Variants in PLEKHA5 observed in about 807,000 individuals in gnomAD.
PLEKHA5 encodes pleckstrin homology domain containing A5.
PLEKHA5 carries 55 observed loss-of-function variants against 181.9 expected under a neutral mutation model. The observed-to-expected ratio is 0.30, with a 90% CI of 0.24 to 0.38. PLEKHA5 has a LOEUF of 0.38. PLEKHA5 is among the 10% of genes least tolerant of loss of function. The pLI, the probability that PLEKHA5 is intolerant of heterozygous loss-of-function variation, is 1.00. For missense variants in PLEKHA5, 1,432 were observed against 1,549.5 expected (o/e 0.92, Z 1.27); for synonymous variants, 535 against 529.4 (o/e 1.01, Z -0.15).
intron 22 of PLEKHA5, among the ~76,000 whole-genome samples, chr12:19,344,507 C>A (rs1275972313): frequency 6.6e-6 from 1 of 152,038 alleles, no homozygotes; most frequent in African/African-American, 2.4e-5. Flanking sequence ...TATGTTGTTT[C>A]CAGAGTTTTT....
At chr12:19,349,723 A>G (rs1275587666) in intron 25 of PLEKHA5, among the ~76,000 whole-genome samples, 1 of 151,078 alleles carries the variant, frequency 6.6e-6, no homozygotes, top group African/African-American at 2.4e-5. Context: ...CAGCAACAAC[A>G]ACAACAACCA....
chr12:19,355,427 C>T (rs1249101895), intron 26 of PLEKHA5, among the ~76,000 whole-genome samples: 2 of 147,062 alleles, frequency 1.4e-5, no homozygotes, highest in East Asian at 4.3e-4. Flanking sequence ...TCATAGCTCA[C>T]TGCAGCCTCC....
At chr12:19,328,090 C>T (rs1353538983) in intron 20 of PLEKHA5, among the ~76,000 whole-genome samples, 2 of 152,156 alleles carry the variant, frequency 1.3e-5, no homozygotes, top group African/African-American at 4.8e-5. Flanking sequence ...GAATAAGAAG[C>T]CCTTTCCACA....
chr12:19,205,777 A>G (rs1380304950), intron 3 of PLEKHA5, among the ~76,000 whole-genome samples: 1 of 152,102 alleles, frequency 6.6e-6, no homozygotes, highest in East Asian at 1.9e-4. Context: ...ACAGTATAGC[A>G]TTTTTGTTCT....
chr12:19,354,888 A>T (rs1186539196), intron 26 of PLEKHA5, among the ~76,000 whole-genome samples: 1 of 152,130 alleles, frequency 6.6e-6, no homozygotes, highest in Non-Finnish European at 1.5e-5. Context: ...CGTAGTCCAC[A>T]ATTTGTAGAA....
At chr12:19,302,070 C>T (rs563886365) in intron 15 of PLEKHA5, among the ~76,000 whole-genome samples, 110 of 152,260 alleles carry the variant, frequency 7.2e-4, no homozygotes, top group African/African-American at 2.5e-3. Flanking sequence ...TTGATGTAGA[C>T]ACAGAAGGAC....
intron 3 of PLEKHA5, among the ~76,000 whole-genome samples, chr12:19,213,810 T>A (rs1185424835): frequency 6.6e-6 from 1 of 152,180 alleles, no homozygotes; most frequent in East Asian, 1.9e-4. Context: ...CTGTTCTCTC[T>A]GGCATTTGAA....
intron 3 of PLEKHA5, among the ~76,000 whole-genome samples, chr12:19,193,635 A>C (rs188140313): frequency 8.7e-4 from 133 of 152,326 alleles, no homozygotes; most frequent in Non-Finnish European, 1.7e-3. Flanking sequence ...GCCTCCCAGC[A>C]CATCGTACCT....
At chr12:19,240,637 TA>T (rs1259338013) in intron 3 of PLEKHA5, among the ~76,000 whole-genome samples, 4 of 149,712 alleles carry the variant, frequency 2.7e-5, no homozygotes, top group African/African-American at 9.8e-5. Context: ...TAATTATTAT[TA>T]TTATTATTTT....
rs2078229805 is a variant in PLEKHA5, at chr12:19,290,774, A to G, written c.1961A>G (p.Lys654Arg). The G allele has an allele frequency of 1.0e-5, 16 of 1,535,048 alleles. No homozygotes were observed. Among genetic ancestry groups the G allele is most frequent in the Admixed American group, 2.0e-5 (1 of 50,934 alleles). ...EHTLAQLMQLKLEAHSPKNEI... is the reference protein window; with the variant it reads ...EHTLAQLMQLRLEAHSPKNEI... ...ACGTTAGCACAGCTCATGCAGCTAA[A>G]GCTTGAGGCCCACAGCCCAAAGGTC... is the stretch of plus-strand genomic sequence containing the variant. Residue 654 changes from lysine to arginine, a missense_variant, in exon 14 of 32, where the codon AAG becomes AGG. This residue lies in a region of PLEKHA5 where 1,143 missense variants were observed against 1,168.4 expected (regional missense o/e 0.98). Transcript: ENST00000429027.
intron 29 of PLEKHA5, among the ~76,000 whole-genome samples, chr12:19,362,950 T>C (rs2095303786): frequency 4.1e-5 from 6 of 146,770 alleles, no homozygotes; most frequent in Non-Finnish European, 7.5e-5. Flanking sequence ...AACTGTACTA[T>C]GCCATTTGAT....
chr12:19,285,764 A>C (rs1484820546), intron 12 of PLEKHA5, among the ~76,000 whole-genome samples: 1 of 152,184 alleles, frequency 6.6e-6, no homozygotes, highest in East Asian at 1.9e-4. Context: ...GTAGAAAATA[A>C]TTTTATTGAA....
intron 18 of PLEKHA5, 36 bp downstream of exon 18, chr12:19,320,660 G>A: frequency 2.1e-6 from 2 of 947,024 alleles, no homozygotes; most frequent in Non-Finnish European, 1.6e-6. Context: ...TCAGTACTCT[G>A]TCGTATTCTC....
intron 15 of PLEKHA5, chr12:19,306,373 C>G (rs1413382541): frequency 2.0e-6 from 1 of 503,172 alleles, no homozygotes; most frequent in East Asian, 5.5e-5. Flanking sequence ...CTAGCGTGCT[C>G]TCTTCCCCTC....
At chr12:19,347,975 C>T (rs1049559169) in intron 24 of PLEKHA5, among the ~76,000 whole-genome samples, 2 of 151,370 alleles carry the variant, frequency 1.3e-5, no homozygotes, top group Non-Finnish European at 2.9e-5. Flanking sequence ...CTCCGCCTCC[C>T]AGGTTCAAGT....
At chr12:19,307,070 G>A in intron 15 of PLEKHA5, 1 of 1,307,484 alleles carries the variant, frequency 7.6e-7, no homozygotes, top group Non-Finnish European at 1.1e-6. Flanking sequence ...AACTCAATCT[G>A]TTGCCACAGA....
chr12:19,345,785 T>C, intron 22 of PLEKHA5, 57 bp from the exon 23 acceptor site: 3 of 845,906 alleles, frequency 3.5e-6, no homozygotes, highest in Non-Finnish European at 5.6e-6. Context: ...AAATTGTTCT[T>C]TTTTTATAGT....
chr12:19,277,776 T>C (rs1373729017), intron 11 of PLEKHA5, among the ~76,000 whole-genome samples: 2 of 151,190 alleles, frequency 1.3e-5, no homozygotes. Flanking sequence ...AAAGTTCTGA[T>C]AGAAAGAAAA....
At chr12:19,347,741 T>C (rs2094407849) in intron 24 of PLEKHA5, among the ~76,000 whole-genome samples, 1 of 152,168 alleles carries the variant, frequency 6.6e-6, no homozygotes, top group Non-Finnish European at 1.5e-5. Context: ...AAAATGTCTG[T>C]GACAGGAATT....
Sources: gnomAD v4.1 joint callset for allele counts (sites outside exome capture counted in the v4.1 genomes callset) on GRCh38, gnomAD v4.1.1 for gene constraint, gnomAD v4.1.1 regional missense constraint, MANE v1.5 for transcripts, NCBI Gene and HGNC (gene_info 2026-07-23, HGNC 2026-07-21) for gene names.